AFF1: variants seen among roughly 807,000 people sequenced by gnomAD.
AFF1 encodes AF4/FMR2 family member 1.
A neutral mutation model predicts 121.7 loss-of-function variants in AFF1; 48 were observed. The ratio of observed to expected loss-of-function variants is 0.39; its 90% CI spans 0.31 to 0.50. AFF1 has a LOEUF of 0.50. Among genes scored for constraint, AFF1 ranks in the 20% least tolerant of loss-of-function variants. The pLI, the probability that AFF1 is intolerant of heterozygous loss-of-function variation, is 0.76. For missense variants in AFF1, 1,523 were observed against 1,511.7 expected, an observed-to-expected ratio of 1.01 and a Z score of -0.12; for synonymous variants, 613 against 563.0, an observed-to-expected ratio of 1.09 and a Z score of -1.26.
At chr4:86,997,749 G>A (rs184163902) in intron 2 of AFF1, among the ~76,000 whole-genome samples, 4 of 141,872 alleles carry the variant, frequency 2.8e-5, no homozygotes, top group East Asian at 4.1e-4. Flanking sequence ...GCAACAGATC[G>A]AGACTCCATC....
rs2307786 is a variant in AFF1, at chr4:87,138,649, A to AATT, written c.*2951_*2953dup. 0.23 allele frequency: 52,843 copies of AATT among 230,710 alleles called. 6,310 individuals are homozygous for AATT. The highest frequency in any genetic ancestry group is 0.34 in the Middle Eastern group (267 of 778). 14.3% of individuals were successfully genotyped at this position (230,710 alleles called of 1,614,324 possible). ...AAAAACACTTTACTAAAATTTATCA[A>AATT]ATTATACTGGGTTCGGATTGTGAAA... is the stretch of plus-strand genomic sequence containing the variant. On this transcript the variant is annotated 3_prime_UTR_variant, in exon 21 of 21. Coordinates refer to ENST00000395146, the MANE Select transcript of AFF1 (RefSeq NM_001166693.3).
intron 8 of AFF1, among the ~76,000 whole-genome samples, chr4:87,105,230 A>G (rs981164088): frequency 6.6e-6 from 1 of 152,202 alleles, no homozygotes; most frequent in Admixed American, 6.5e-5. Flanking sequence ...GTAATTGAGT[A>G]TATTATGTAT....
At chr4:87,094,832 G>A in intron 7 of AFF1, 83 bp from the exon 8 acceptor site, 4 of 1,343,742 alleles carry the variant, frequency 3.0e-6, no homozygotes, top group Non-Finnish European at 4.2e-6. Flanking sequence ...GGTAAAAACT[G>A]GGGACCGACA....
intron 2 of AFF1, among the ~76,000 whole-genome samples, chr4:86,995,283 TCCC>T (rs1725038759): frequency 2.5e-5 from 1 of 39,972 alleles, no homozygotes; most frequent in Non-Finnish European, 4.8e-5. Context: ...CCTCCCCCTC[TCCC>T]TCCCCCTCTC....
chr4:86,993,565 A>C (rs1433417209), intron 2 of AFF1, among the ~76,000 whole-genome samples: 5 of 152,180 alleles, frequency 3.3e-5, no homozygotes, highest in Non-Finnish European at 5.9e-5. Context: ...GTAATTGTGG[A>C]CACTTGTCTT....
At chr4:87,105,743 C>T (rs1725850142) in intron 9 of AFF1, 61 bp downstream of exon 9, 4 of 1,613,504 alleles carry the variant, frequency 2.5e-6, no homozygotes, top group Non-Finnish European at 1.7e-6. Context: ...CAGATCTGAG[C>T]TGCTTGTTCT....
chr4:87,126,033 C>G (rs1728205154), intron 13 of AFF1, 66 bp from the exon 14 acceptor site: 1 of 1,499,496 alleles, frequency 6.7e-7, no homozygotes. Flanking sequence ...CAGTTTGTAA[C>G]TAAACAACGA....
chr4:87,066,469 C>CT (rs1394588480), intron 4 of AFF1, among the ~76,000 whole-genome samples: 1 of 152,082 alleles, frequency 6.6e-6, no homozygotes, highest in East Asian at 1.9e-4. Flanking sequence ...TGCTTGTAGT[C>CT]TTAGCTGCTG....
At chr4:86,997,639 G>A (rs1050644848) in intron 2 of AFF1, among the ~76,000 whole-genome samples, 3 of 152,028 alleles carry the variant, frequency 2.0e-5, no homozygotes, top group East Asian at 3.9e-4. Flanking sequence ...ACGGGCGCCT[G>A]TAGTCCCAGC....
At chr4:86,951,202 A>C (rs1721278045) in intron 2 of AFF1, among the ~76,000 whole-genome samples, 1 of 152,166 alleles carries the variant, frequency 6.6e-6, no homozygotes, top group African/African-American at 2.4e-5. Context: ...TTTTAAGCGG[A>C]ACACAGGCTT....
chr4:86,947,584 A>C (rs1720955835), intron 1 of AFF1, among the ~76,000 whole-genome samples: 1 of 152,202 alleles, frequency 6.6e-6, no homozygotes, highest in Non-Finnish European at 1.5e-5. Flanking sequence ...GGATGTTTGA[A>C]AAGTAAAACA....
chr4:87,049,091 AAAAAGG>A (rs1731009050), intron 4 of AFF1, among the ~76,000 whole-genome samples: 3 of 71,770 alleles, frequency 4.2e-5, no homozygotes, highest in African/African-American at 1.1e-4. Flanking sequence ...AAAAAAAAAA[AAAAAGG>A]GGGGGGGGGG....
At chr4:87,010,488 C>T (rs1726629976) in intron 2 of AFF1, among the ~76,000 whole-genome samples, 1 of 152,110 alleles carries the variant, frequency 6.6e-6, no homozygotes, top group East Asian at 1.9e-4. Flanking sequence ...AACAAACTTG[C>T]TTTCTTTGAT....
At chr4:87,030,311 G>GT (rs1196600692) in intron 2 of AFF1, among the ~76,000 whole-genome samples, 1 of 152,184 alleles carries the variant, frequency 6.6e-6, no homozygotes, top group Admixed American at 6.5e-5. Flanking sequence ...TAAACAATAC[G>GT]TAAGCAGATG....
intron 3 of AFF1, 67 bp from the exon 4 acceptor site, chr4:87,046,628 A>G: frequency 6.8e-7 from 1 of 1,478,542 alleles, no homozygotes; most frequent in African/African-American, 1.4e-5. Context: ...AGTATTATAT[A>G]ACGTGGTTTG....
chr4:86,946,454 C>T (rs1167518135), intron 1 of AFF1, among the ~76,000 whole-genome samples: 11 of 99,156 alleles, frequency 1.1e-4, no homozygotes, highest in African/African-American at 4.1e-4. Context: ...ATCACCCCCA[C>T]CCCCCACCCA....
Position 87,060,884 on chromosome 4 carries a change from C to CA in AFF1, c.1059+13297dup, listed in dbSNP as rs1249068935. Among the ~76,000 whole-genome samples, 229 of 117,352 alleles carry CA rather than the reference C, an allele frequency of 2.0e-3. 3 individuals are homozygous for CA. Among genetic ancestry groups the CA allele is most frequent in the African/African-American group, 5.7e-3 (201 of 35,230 alleles). 77.0% of individuals were successfully genotyped at this position (117,352 alleles called of 152,430 possible). ...AAAAAAAAACACAAAAAAACAACAA[C>CA]AAAAAAACGGAATTATTGACCCTGA... is the stretch of plus-strand genomic sequence containing the variant. On this transcript the variant is annotated intron_variant, in intron 4 of 20. Coordinates refer to ENST00000395146, the MANE Select transcript of AFF1 (RefSeq NM_001166693.3).
intron 2 of AFF1, among the ~76,000 whole-genome samples, chr4:86,956,965 C>G (rs1351403738): frequency 2.0e-5 from 3 of 152,168 alleles, no homozygotes; most frequent in African/African-American, 7.2e-5. Flanking sequence ...TTTAAGCTCA[C>G]AAGCCATTGT....
At chr4:87,091,081 A>G (rs897295231) in intron 6 of AFF1, among the ~76,000 whole-genome samples, 3 of 149,664 alleles carry the variant, frequency 2.0e-5, no homozygotes, top group South Asian at 2.1e-4. Context: ...GCTACTTTAT[A>G]TATTTACTTA....
Sources: gnomAD v4.1 joint callset for allele counts (sites outside exome capture counted in the v4.1 genomes callset) on GRCh38, gnomAD v4.1.1 for gene constraint, MANE v1.5 for transcripts, NCBI Gene and HGNC (gene_info 2026-07-23, HGNC 2026-07-21) for gene names.